The following CDH18 variants were observed in gnomAD, a reference collection of about 807,000 sequenced individuals.
CDH18 encodes cadherin-18.
CDH18 carries 31 observed loss-of-function variants against 67.9 expected under a neutral mutation model. That is an observed-to-expected ratio of 0.46 (90% CI 0.34 to 0.62). The LOEUF (loss-of-function observed/expected upper bound fraction) is 0.62. Ranked by LOEUF, CDH18 falls within the 20% of genes least tolerant of loss-of-function variation. The pLI is 0.01. For missense variants in CDH18, 890 were observed against 975.5 expected, an observed-to-expected ratio of 0.91 and a Z score of 1.17; for synonymous variants, 362 against 347.2, an observed-to-expected ratio of 1.04 and a Z score of -0.48.
Position 19,743,546 on chromosome 5 carries a change from A to G in CDH18, c.523+3396T>C, listed in dbSNP as rs534598152. Among the ~76,000 whole-genome samples, 6 of 152,318 alleles carry G rather than the reference A, an allele frequency of 3.9e-5. No individual in the cohort carries two copies. The East Asian group carries it at 1.2e-3, about 29-fold the overall frequency. ...GTAACTGTGTTTCAATAAAAGCACA[A>G]AAACAGAGAGCAGGACAGATTTGTT... On this transcript the variant is annotated intron_variant, in intron 4 of 12. Transcript: ENST00000382275.
intron 2 of CDH18, among the ~76,000 whole-genome samples, chr5:19,975,025 A>C (rs1420700968): frequency 6.6e-6 from 1 of 152,350 alleles, no homozygotes. Flanking sequence ...TAGGCCAAGA[A>C]GGAAATGTCA....
chr5:19,702,418 G>A (rs1231130398), intron 5 of CDH18, among the ~76,000 whole-genome samples: 1 of 151,374 alleles, frequency 6.6e-6, no homozygotes, highest in African/African-American at 2.4e-5. Context: ...CAAAGTGCTA[G>A]GATTACAGGT....
chr5:19,721,120 G>T (rs1000413526), intron 5 of CDH18, among the ~76,000 whole-genome samples: 1 of 152,070 alleles, frequency 6.6e-6, no homozygotes, highest in African/African-American at 2.4e-5. Flanking sequence ...ACATTTTCTT[G>T]CACGGGTATA....
At position 19,839,102 on chromosome 5, in the gene CDH18, T is replaced by G; in HGVS notation, c.-116A>C. On this transcript the variant is annotated 5_prime_UTR_variant, in exon 3 of 13. Coordinates refer to ENST00000382275, the MANE Select transcript of CDH18 (RefSeq NM_004934.5). ...TTTAGGAAGGACAGTCCAAAGTAAA[T>G]TGTTTAGCGTGTCCATGATTTAACT... 1.4e-6 allele frequency: 1 copy of G among 718,008 alleles called. No homozygotes were observed. The highest frequency in any genetic ancestry group is 2.4e-6 in the Non-Finnish European group (1 of 416,308). 44.5% of individuals were successfully genotyped at this position (718,008 alleles called of 1,614,324 possible). A position where few individuals can be genotyped will look rare whatever the true frequency, so the allele number is the denominator to read the frequency against.
intron 2 of CDH18, among the ~76,000 whole-genome samples, chr5:19,947,459 G>A (rs2150250745): frequency 6.6e-6 from 1 of 151,892 alleles, no homozygotes; most frequent in South Asian, 2.1e-4. Context: ...TGAAAATACA[G>A]GCCGAGAGTG....
chr5:20,172,223 T>TACGTATATATATATACGTATATATAC lies in CDH18; in HGVS notation c.-518+83220_-518+83221insGTATATATACGTATATATATATACGT, dbSNP rs1554098639. Among the ~76,000 whole-genome samples the TACGTATATATATATACGTATATATAC allele has an allele frequency of 7.5e-4, 33 of 43,922 alleles. 3 individuals carry two copies. The highest frequency in any genetic ancestry group is 3.7e-3 in the African/African-American group (33 of 8,936). The allele number at this position is 43,922 out of a possible 152,430, so 28.8% of individuals were successfully genotyped here. ...ATATATATATATATATATATATATATGTATATATATATATATGTATATATA... is the reference window on the plus strand; with the variant it reads ...ATATATATATATATATATATATATATACGTATATATATATACGTATATATACGTATATATATATATATGTATATATA... On this transcript the variant is annotated intron_variant, in intron 2 of 14. Coordinates refer to the CDH18 transcript ENST00000507958.
At chr5:19,676,954 A>G (rs988720713) in intron 5 of CDH18, among the ~76,000 whole-genome samples, 7 of 152,048 alleles carry the variant, frequency 4.6e-5, no homozygotes, top group Non-Finnish European at 8.8e-5. Context: ...CCTGCTCTAA[A>G]ACTTCCCTTG....
chr5:20,327,324 A>C (rs1167780325), intron 1 of CDH18, among the ~76,000 whole-genome samples: 2 of 152,170 alleles, frequency 1.3e-5, no homozygotes, highest in Non-Finnish European at 2.9e-5. Context: ...CTTATGTAAA[A>C]TGTAGATTTA....
intron 7 of CDH18, among the ~76,000 whole-genome samples, chr5:19,577,315 A>AAT (rs1286530722): frequency 6.6e-6 from 1 of 152,176 alleles, no homozygotes; most frequent in African/African-American, 2.4e-5. Context: ...GTACATCATA[A>AAT]ATATATATAA....
At chr5:19,749,878 G>A (rs919905992) in intron 3 of CDH18, among the ~76,000 whole-genome samples, 1 of 151,480 alleles carries the variant, frequency 6.6e-6, no homozygotes, top group Non-Finnish European at 1.5e-5. Flanking sequence ...TGCTTCTGAA[G>A]ATATGACTAA....
At chr5:20,556,465 T>A (rs1757913873) in intron 1 of CDH18, among the ~76,000 whole-genome samples, 1 of 152,210 alleles carries the variant, frequency 6.6e-6, no homozygotes, top group African/African-American at 2.4e-5. Context: ...ATACTCACTC[T>A]TTTTATTGAA....
chr5:20,330,279 A>G (rs1270269316), intron 1 of CDH18, among the ~76,000 whole-genome samples: 1 of 152,102 alleles, frequency 6.6e-6, no homozygotes, highest in African/African-American at 2.4e-5. Flanking sequence ...TTGCTATATA[A>G]TAGGATGATT....
chr5:20,376,971 C>T (rs768908133), intron 1 of CDH18, among the ~76,000 whole-genome samples: 14 of 150,800 alleles, frequency 9.3e-5, no homozygotes, highest in Non-Finnish European at 2.1e-4. Context: ...GAGCCAAGAT[C>T]ACGCTACTGC....
intron 5 of CDH18, among the ~76,000 whole-genome samples, chr5:19,717,112 G>C (rs1461905344): frequency 6.6e-6 from 1 of 151,940 alleles, no homozygotes; most frequent in Non-Finnish European, 1.5e-5. Context: ...TTGTAAGGGA[G>C]GTTTAACTAC....
chr5:20,135,901 TTTGAG>T (rs1200643862), intron 2 of CDH18, among the ~76,000 whole-genome samples: 2 of 152,182 alleles, frequency 1.3e-5, no homozygotes, highest in Non-Finnish European at 2.9e-5. Flanking sequence ...GTTGTGCAGT[TTTGAG>T]TGAGTTTCTT....
At chr5:20,103,632 C>T (rs1746668225) in intron 2 of CDH18, among the ~76,000 whole-genome samples, 1 of 149,388 alleles carries the variant, frequency 6.7e-6, no homozygotes, top group Admixed American at 6.7e-5. Flanking sequence ...ACTCAGGAGG[C>T]TGAGGCAGGA....
intron 2 of CDH18, among the ~76,000 whole-genome samples, chr5:20,172,733 G>A (rs1736928972): frequency 6.6e-6 from 1 of 152,080 alleles, no homozygotes; most frequent in Admixed American, 6.6e-5. Context: ...GCTCACACTT[G>A]TAATCCCAGC....
chr5:19,593,707 C>CCTCCTCCTCCTTCTTCCTCTTCTTCTT, intron 6 of CDH18, among the ~76,000 whole-genome samples: 2 of 33,384 alleles, frequency 6.0e-5, no homozygotes, highest in African/African-American at 2.3e-4. Context: ...TCCTCCTCCT[C>CCTCCTCCTCCTTCTTCCTCTTCTTCTT]CTTCTTCTTC....
At chr5:20,175,007 G>A (rs965059383) in intron 2 of CDH18, among the ~76,000 whole-genome samples, 7 of 152,042 alleles carry the variant, frequency 4.6e-5, no homozygotes, top group South Asian at 2.1e-4. Context: ...AAGTCAGTAC[G>A]TTTATTTTGT....
Sources: allele counts gnomAD v4.1 joint callset (sites outside exome capture counted in the v4.1 genomes callset), GRCh38; gene constraint gnomAD v4.1.1; transcripts MANE v1.5; gene names NCBI Gene and HGNC (gene_info 2026-07-23, HGNC 2026-07-21).